The following SAMD4A variants were observed in gnomAD, a reference collection of about 807,000 sequenced individuals.
SAMD4A encodes the protein protein Smaug homolog 1.
SAMD4A carries 33 observed loss-of-function variants against 81.3 expected under a neutral mutation model. That is an observed-to-expected ratio of 0.41 (90% CI 0.31 to 0.54). The LOEUF (loss-of-function observed/expected upper bound fraction) is 0.54. Among genes scored for constraint, SAMD4A ranks in the 20% least tolerant of loss-of-function variants. The pLI is 0.37. For missense variants in SAMD4A, 854 were observed against 951.1 expected (o/e 0.90, Z 1.34); for synonymous variants, 389 against 382.1 (o/e 1.02, Z -0.21).
Position 54,750,506 on chromosome 14 carries a change from T to A in SAMD4A, c.1090-945T>A, listed in dbSNP as rs190716793. Among the ~76,000 whole-genome samples the A allele has an allele frequency of 1.2e-4, 18 of 152,338 alleles. No homozygotes were observed. The East Asian group carries it at 3.3e-3, about 28-fold the overall frequency. ...CTTAGGCTCACCATTGCTACCCAGTTAAGAAGATAAAATCCACAACTCTTA... is the reference window on the plus strand; with the variant it reads ...CTTAGGCTCACCATTGCTACCCAGTAAAGAAGATAAAATCCACAACTCTTA... On this transcript the variant is annotated intron_variant, in intron 5 of 12. Coordinates refer to ENST00000554335, the MANE Select transcript of SAMD4A (RefSeq NM_015589.6).
At chr14:54,747,580 C>A (rs1364674212) in intron 4 of SAMD4A, among the ~76,000 whole-genome samples, 1 of 152,238 alleles carries the variant, frequency 6.6e-6, no homozygotes, top group Non-Finnish European at 1.5e-5. Flanking sequence ...CTGTAATCGA[C>A]ATGATTGGTA....
At chr14:54,770,984 G>C (rs904595227) in intron 9 of SAMD4A, among the ~76,000 whole-genome samples, 1 of 151,858 alleles carries the variant, frequency 6.6e-6, no homozygotes, top group African/African-American at 2.4e-5. Context: ...TTTAAAACAT[G>C]AGCAGATAAT....
At chr14:54,735,749 C>G (rs571477673) in intron 3 of SAMD4A, among the ~76,000 whole-genome samples, 1 of 152,340 alleles carries the variant, frequency 6.6e-6, no homozygotes, top group South Asian at 2.1e-4. Context: ...ACACAGTAAT[C>G]TGCCCAGGCC....
In SAMD4A at chr14:54,724,012, G is replaced by GGAAGGAAGGAAGAAGGAAGGAAGGAA. The variant is rs141514832; in HGVS notation, c.716-13000_716-12999insAAGGAAGGAAGGAAGAAGGAAGGAAG. 3.5e-5 allele frequency among the ~76,000 whole-genome samples: 5 copies of GGAAGGAAGGAAGAAGGAAGGAAGGAA among 141,490 alleles called. No individual in the cohort carries two copies. The East Asian group carries it at 8.3e-4, about 23-fold the overall frequency. The allele number at this position is 141,490 out of a possible 152,430, so 92.8% of individuals were successfully genotyped here. A position where few individuals can be genotyped will look rare whatever the true frequency, so the allele number is the denominator to read the frequency against. On this transcript the variant is annotated intron_variant, in intron 3 of 12. Transcript: ENST00000554335. ...ATATTGGATGGATGGATGGATGGAA[G>GGAAGGAAGGAAGAAGGAAGGAAGGAA]GAAGGAAGGAAGGAAGGAAGGAAGG... is the stretch of plus-strand genomic sequence containing the variant.
At chr14:54,713,129 C>T (rs939398335) in intron 3 of SAMD4A, among the ~76,000 whole-genome samples, 3 of 152,040 alleles carry the variant, frequency 2.0e-5, no homozygotes, top group African/African-American at 4.8e-5. Context: ...TAAGATTTCC[C>T]GAGTAAACTC....
At chr14:54,571,408 G>T (rs1164364054) in intron 2 of SAMD4A, among the ~76,000 whole-genome samples, 1 of 152,174 alleles carries the variant, frequency 6.6e-6, no homozygotes, top group Non-Finnish European at 1.5e-5. Context: ...GCCAGTCTCA[G>T]TTCCAGGACT....
chr14:54,718,540 GT>G (rs1005625680), intron 3 of SAMD4A, among the ~76,000 whole-genome samples: 3 of 151,622 alleles, frequency 2.0e-5, no homozygotes, highest in Non-Finnish European at 4.4e-5. Flanking sequence ...CTGCAGGCTA[GT>G]TTTTTTGGGT....
intron 2 of SAMD4A, among the ~76,000 whole-genome samples, chr14:54,577,029 G>C (rs1305376360): frequency 6.6e-6 from 1 of 152,244 alleles, no homozygotes; most frequent in Non-Finnish European, 1.5e-5. Context: ...TACAAAGAGA[G>C]AAACAAGGAA....
chr14:54,658,441 C>T (rs12890352), intron 2 of SAMD4A, among the ~76,000 whole-genome samples: 66,536 of 151,914 alleles, frequency 0.44, 15,244 homozygotes, highest in East Asian at 0.78. Context: ...CTATATTCTC[C>T]TGCAGGGCCT....
chr14:54,687,721 T>C (rs1183886041), intron 2 of SAMD4A, among the ~76,000 whole-genome samples: 1 of 152,132 alleles, frequency 6.6e-6, no homozygotes, highest in Non-Finnish European at 1.5e-5. Flanking sequence ...GGGGCAAGTG[T>C]CTCTGCGCCT....
intron 4 of SAMD4A, among the ~76,000 whole-genome samples, chr14:54,745,817 C>T (rs1333917353): frequency 6.6e-6 from 1 of 152,202 alleles, no homozygotes; most frequent in East Asian, 1.9e-4. Flanking sequence ...CAACCAGAGG[C>T]ATGCATGCCT....
At chr14:54,654,163 A>G (rs1485079569) in intron 2 of SAMD4A, among the ~76,000 whole-genome samples, 2 of 152,192 alleles carry the variant, frequency 1.3e-5, no homozygotes, top group Admixed American at 1.3e-4. Flanking sequence ...TATGACATAT[A>G]ATACCCAAGC....
chr14:54,773,216 A>G (rs931515578), intron 9 of SAMD4A, among the ~76,000 whole-genome samples: 13 of 152,148 alleles, frequency 8.5e-5, no homozygotes, highest in African/African-American at 2.9e-4. Flanking sequence ...ACATTTTCTG[A>G]GATCTGCACT....
At chr14:54,718,398 G>C (rs1044652349) in intron 3 of SAMD4A, among the ~76,000 whole-genome samples, 1 of 152,244 alleles carries the variant, frequency 6.6e-6, no homozygotes, top group African/African-American at 2.4e-5. Context: ...CTTAACCAGG[G>C]CTTTGTGTTT....
intron 5 of SAMD4A, among the ~76,000 whole-genome samples, chr14:54,751,241 A>G (rs1250118607): frequency 6.6e-6 from 1 of 152,182 alleles, no homozygotes; most frequent in Non-Finnish European, 1.5e-5. Flanking sequence ...GAGCAACTAC[A>G]GTGAGACCCT....
At chr14:54,623,807 C>T (rs777788312) in intron 2 of SAMD4A, among the ~76,000 whole-genome samples, 8 of 152,118 alleles carry the variant, frequency 5.3e-5, no homozygotes, top group Non-Finnish European at 1.0e-4. Flanking sequence ...TTCCATTCTT[C>T]CTGAAACATT....
At chr14:54,687,589 A>G (rs1425935560) in intron 2 of SAMD4A, among the ~76,000 whole-genome samples, 1 of 152,172 alleles carries the variant, frequency 6.6e-6, no homozygotes, top group African/African-American at 2.4e-5. Context: ...GATGCTTGTG[A>G]TCGAGGTTAG....
At chr14:54,678,469 G>A (rs2036043281) in intron 2 of SAMD4A, among the ~76,000 whole-genome samples, 1 of 67,198 alleles carries the variant, frequency 1.5e-5, no homozygotes, top group Non-Finnish European at 3.8e-5. Context: ...GTGTGTGTGT[G>A]TGTGTGTGTG....
intron 7 of SAMD4A, among the ~76,000 whole-genome samples, chr14:54,762,919 A>G (rs1594911729): frequency 6.7e-6 from 1 of 149,422 alleles, no homozygotes; most frequent in East Asian, 2.0e-4. Flanking sequence ...CAGTGGCGCG[A>G]TCTAGGCTTA....
Sources: gnomAD v4.1 joint callset for allele counts (sites outside exome capture counted in the v4.1 genomes callset) on GRCh38, gnomAD v4.1.1 for gene constraint, MANE v1.5 for transcripts, NCBI Gene and HGNC (gene_info 2026-07-23, HGNC 2026-07-21) for gene names.